Variants in PHLDB2 observed in about 807,000 individuals in gnomAD.
The protein encoded by PHLDB2 is pleckstrin homology like domain family B member 2, also known as pleckstrin homology-like domain family B member 2.
Under a neutral mutation model 123.6 loss-of-function variants are expected in PHLDB2, and 71 were observed. That is an observed-to-expected ratio of 0.57 (90% CI 0.47 to 0.70). The LOEUF is 0.70. Ranked by LOEUF, PHLDB2 falls within the 30% of genes least tolerant of loss-of-function variation. The probability of loss-of-function intolerance (pLI) is 0.00; values close to 1 mark genes in which losing one functional copy is unlikely to be tolerated. For missense variants in PHLDB2, 1,446 were observed against 1,519.5 expected (o/e 0.95, Z 0.80); for synonymous variants, 547 against 541.6 (o/e 1.01, Z -0.14).
At chr3:111,904,999 A>AACGGC (rs2067429008) in intron 2 of PHLDB2, among the ~76,000 whole-genome samples, 1 of 152,142 alleles carries the variant, frequency 6.6e-6, no homozygotes, top group Non-Finnish European at 1.5e-5. Context: ...TATGAAAGAG[A>AACGGC]ACGGCAATGA....
chr3:111,905,365 A>G (rs1179955581), intron 2 of PHLDB2, among the ~76,000 whole-genome samples: 4 of 151,830 alleles, frequency 2.6e-5, no homozygotes, highest in African/African-American at 9.7e-5. Context: ...TCATTTATTT[A>G]TTTATTTATT....
chr3:111,756,359 T>C (rs553258905), intron 1 of PHLDB2, among the ~76,000 whole-genome samples: 2 of 152,294 alleles, frequency 1.3e-5, no homozygotes, highest in East Asian at 3.9e-4. Context: ...GCATATATAT[T>C]TAGGATAGTT....
intron 8 of PHLDB2, among the ~76,000 whole-genome samples, chr3:111,944,219 A>G (rs960732687): frequency 1.3e-5 from 2 of 152,204 alleles, no homozygotes; most frequent in Admixed American, 1.3e-4. Flanking sequence ...AATCAGAACA[A>G]TGCTTGCTCA....
At chr3:111,903,078 T>C (rs1317916531) in intron 2 of PHLDB2, among the ~76,000 whole-genome samples, 1 of 152,202 alleles carries the variant, frequency 6.6e-6, no homozygotes, top group East Asian at 1.9e-4. Context: ...AGGTGAGGAA[T>C]TGGTTCATGA....
chr3:111,918,402 CAA>C (rs1338645963), intron 3 of PHLDB2, among the ~76,000 whole-genome samples: 1 of 152,134 alleles, frequency 6.6e-6, no homozygotes, highest in South Asian at 2.1e-4. Context: ...GTCTATAGGA[CAA>C]AGAGAGGAAA....
chr3:111,961,625 G>A (rs1307584781), intron 12 of PHLDB2, among the ~76,000 whole-genome samples: 2 of 152,176 alleles, frequency 1.3e-5, no homozygotes. Context: ...TGAGATACGA[G>A]TTTCTGAAAT....
intron 1 of PHLDB2, among the ~76,000 whole-genome samples, chr3:111,792,608 G>C (rs938728233): frequency 6.6e-6 from 1 of 152,156 alleles, no homozygotes; most frequent in Non-Finnish European, 1.5e-5. Flanking sequence ...TCAGGAGGCT[G>C]AGGTGGAAGG....
intron 3 of PHLDB2, 21 bp from the exon 4 acceptor site, chr3:111,919,051 T>G (rs1340519774): frequency 6.2e-7 from 1 of 1,611,590 alleles, no homozygotes; most frequent in African/African-American, 1.3e-5. Flanking sequence ...AATAATCCAT[T>G]TCTGTGTTGA....
chr3:111,961,472 G>A (rs942984162), intron 12 of PHLDB2, among the ~76,000 whole-genome samples: 7 of 152,156 alleles, frequency 4.6e-5, no homozygotes, highest in Admixed American at 2.0e-4. Context: ...GGGTAATTAC[G>A]AGGAGCACAG....
At chr3:111,909,852 T>C (rs1306063740) in intron 2 of PHLDB2, among the ~76,000 whole-genome samples, 2 of 152,192 alleles carry the variant, frequency 1.3e-5, no homozygotes. Flanking sequence ...AAGTAATACA[T>C]GACCCAATAT....
At chr3:111,974,193 A>G (rs956641724) in intron 17 of PHLDB2, among the ~76,000 whole-genome samples, 9 of 152,162 alleles carry the variant, frequency 5.9e-5, no homozygotes, top group Admixed American at 4.6e-4. Context: ...GAGCTTTACA[A>G]ACTAGCTGCT....
intron 11 of PHLDB2, among the ~76,000 whole-genome samples, chr3:111,953,051 T>C (rs2070809526): frequency 6.6e-6 from 1 of 152,190 alleles, no homozygotes; most frequent in Non-Finnish European, 1.5e-5. Flanking sequence ...GCAACAAATA[T>C]TTATTCAGAC....
intron 12 of PHLDB2, among the ~76,000 whole-genome samples, chr3:111,960,628 A>G (rs1238957704): frequency 1.3e-5 from 2 of 152,224 alleles, no homozygotes; most frequent in Non-Finnish European, 2.9e-5. Context: ...ATTGAGAATT[A>G]CTTCTCTTCT....
At chr3:111,773,658 G>A (rs780105730) in intron 1 of PHLDB2, among the ~76,000 whole-genome samples, 1 of 152,178 alleles carries the variant, frequency 6.6e-6, no homozygotes, top group Non-Finnish European at 1.5e-5. Context: ...GACTGGCAGA[G>A]TGCCTGTATG....
intron 12 of PHLDB2, among the ~76,000 whole-genome samples, chr3:111,961,197 GGT>G (rs1282154047): frequency 6.6e-6 from 1 of 152,178 alleles, no homozygotes; most frequent in Non-Finnish European, 1.5e-5. Flanking sequence ...TGAGTATGGT[GGT>G]GCACTCCTGT....
intron 1 of PHLDB2, among the ~76,000 whole-genome samples, chr3:111,817,499 A>G (rs992870603): frequency 2.0e-5 from 3 of 152,236 alleles, no homozygotes; most frequent in Non-Finnish European, 2.9e-5. Context: ...ATCATTAGAA[A>G]GGTCACTTTC....
At chr3:111,886,855 C>T (rs2066195455) in intron 2 of PHLDB2, among the ~76,000 whole-genome samples, 1 of 152,168 alleles carries the variant, frequency 6.6e-6, no homozygotes, top group African/African-American at 2.4e-5. Flanking sequence ...GGGCTTGCTT[C>T]ATTGACAGAA....
In PHLDB2 at chr3:111,757,115, C is replaced by T. The variant is rs1423413135; in HGVS notation, c.-49+24412C>T. ...TTCATTTCAACTTTGGTGAATCTGA[C>T]AATTAAGTGTCTTGGAGTTGCTCTT... On this transcript the variant is annotated intron_variant, in intron 1 of 17. Coordinates refer to the PHLDB2 transcript ENST00000393923. 1.5e-3 allele frequency among the ~76,000 whole-genome samples: 233 copies of T among 152,144 alleles called. 6 individuals carry two copies. Among genetic ancestry groups the T allele is most frequent in the Admixed American group, 0.015 (233 of 15,268 alleles).
intron 1 of PHLDB2, among the ~76,000 whole-genome samples, chr3:111,830,952 A>AG (rs2062945707): frequency 2.0e-5 from 2 of 99,192 alleles, no homozygotes; most frequent in Non-Finnish European, 3.7e-5. Flanking sequence ...GGAAAGAAAG[A>AG]AAGAGAAAGA....
Sources: allele counts gnomAD v4.1 joint callset (sites outside exome capture counted in the v4.1 genomes callset), GRCh38; gene constraint gnomAD v4.1.1; transcripts MANE v1.5; gene names NCBI Gene and HGNC (gene_info 2026-07-23, HGNC 2026-07-21).